Variants in MTR observed in about 807,000 individuals in gnomAD.
MTR encodes the protein 5-methyltetrahydrofolate-homocysteine methyltransferase.
Under a neutral mutation model 154.8 loss-of-function variants are expected in MTR, and 84 were observed. That is an observed-to-expected ratio of 0.54 (90% CI 0.45 to 0.65). The LOEUF is 0.65. Among genes scored for constraint, MTR ranks in the 30% least tolerant of loss-of-function variants. MTR has a pLI of 0.00. For synonymous variants in MTR, 554 were observed against 553.9 expected, an observed-to-expected ratio of 1.00 and a Z score of 0.00; for missense variants, 1,275 against 1,570.2, an observed-to-expected ratio of 0.81 and a Z score of 3.18.
At chr1:236,827,754 C>T (rs1662375180) in intron 11 of MTR, among the ~76,000 whole-genome samples, 1 of 152,084 alleles carries the variant, frequency 6.6e-6, no homozygotes, top group South Asian at 2.1e-4. Context: ...GTGTTTAATT[C>T]CTTAGAGTTT....
chr1:236,802,284 G>A (rs1423115688), intron 1 of MTR, among the ~76,000 whole-genome samples: 1 of 152,168 alleles, frequency 6.6e-6, no homozygotes, highest in African/African-American at 2.4e-5. Flanking sequence ...TTGAGGGGCA[G>A]GTGGGTAGTT....
chr1:236,844,356 T>C (rs61387481), intron 15 of MTR, among the ~76,000 whole-genome samples: 11,868 of 151,446 alleles, frequency 0.078, 910 homozygotes, highest in African/African-American at 0.2. Flanking sequence ...AGGAGAAGAA[T>C]AGAAGCAGCA....
At chr1:236,881,650 C>A (rs1665742354) in intron 25 of MTR, among the ~76,000 whole-genome samples, 1 of 152,180 alleles carries the variant, frequency 6.6e-6, no homozygotes, top group Non-Finnish European at 1.5e-5. Context: ...GCCTGGTGAT[C>A]TGCGAGACTT....
In MTR at chr1:236,851,170, T is replaced by TA. The variant is rs1257628390; in HGVS notation, c.1695+648dup. ...CGTCACTTCTGCAGTTGTTCAGACT[T>TA]ACCCATATGCAGAGTGGTGGAAAAT... On this transcript the variant is annotated intron_variant, in intron 16 of 32. Transcript: ENST00000366577. Among the ~76,000 whole-genome samples, 3 of 152,350 alleles carry TA rather than the reference T, an allele frequency of 2.0e-5. No individual in the cohort carries two copies. In the South Asian group the frequency reaches 6.2e-4, roughly 32 times the overall value.
At chr1:236,830,694 T>C (rs1233087969) in intron 12 of MTR, among the ~76,000 whole-genome samples, 1 of 152,192 alleles carries the variant, frequency 6.6e-6, no homozygotes, top group Admixed American at 6.5e-5. Context: ...GTTGGCTCCC[T>C]GCTTGCCTGT....
intron 6 of MTR, among the ~76,000 whole-genome samples, chr1:236,815,098 G>A (rs373116439): frequency 2.2e-4 from 34 of 152,244 alleles, no homozygotes; most frequent in Middle Eastern, 3.4e-3. Context: ...GCTGTTTTTC[G>A]CAATGATGGA....
At chr1:236,880,218 A>G (rs578127685) in intron 24 of MTR, among the ~76,000 whole-genome samples, 2 of 152,298 alleles carry the variant, frequency 1.3e-5, no homozygotes, top group East Asian at 3.9e-4. Context: ...GTATTATTTT[A>G]TGTTGAATTT....
rs557853306 is a variant in MTR, at chr1:236,852,990, G to C, written c.1855G>C (p.Val619Leu). ...MGIVNAGNLP[V>L]YDDIHKELLQ... ...GATAGTGAATGCTGGAAACCTCCCT[G>C]TGTATGATGATATCCATAAGGAACT... Residue 619 changes from valine (V) to leucine (L), a missense_variant, in exon 18 of 33, where the codon GTG (valine) becomes CTG (leucine). Physicochemically the swap from Val to Leu is conservative, Grantham distance 32 (BLOSUM62 1). Coordinates refer to ENST00000366577, the MANE Select transcript of MTR (RefSeq NM_000254.3). 3.0e-5 allele frequency: 49 copies of C among 1,614,028 alleles called. No individual in the cohort carries two copies. In the African/African-American group the frequency reaches 4.7e-4, roughly 15 times the overall value.
chr1:236,849,787 A>G (rs1408626729), intron 15 of MTR, among the ~76,000 whole-genome samples: 1 of 152,168 alleles, frequency 6.6e-6, no homozygotes, highest in Non-Finnish European at 1.5e-5. Context: ...CTTAAGACAC[A>G]TGTTAGGCCA....
At chr1:236,855,730 C>T (rs1664166854) in intron 18 of MTR, among the ~76,000 whole-genome samples, 1 of 152,176 alleles carries the variant, frequency 6.6e-6, no homozygotes, top group South Asian at 2.1e-4. Context: ...GCTTTGTACA[C>T]GTACAGATAC....
chr1:236,856,355 C>T (rs1478416457), intron 18 of MTR, among the ~76,000 whole-genome samples: 3 of 151,888 alleles, frequency 2.0e-5, no homozygotes, highest in African/African-American at 4.8e-5. Flanking sequence ...TTTACTATCT[C>T]GTTCAGGTTT....
At chr1:236,874,875 A>G (rs1558329636) in intron 24 of MTR, 29 bp downstream of exon 24, 5 of 1,611,718 alleles carry the variant, frequency 3.1e-6, no homozygotes, top group African/African-American at 2.7e-5. Flanking sequence ...CTTTGTCCTC[A>G]CTTCAAATTT....
intron 2 of MTR, among the ~76,000 whole-genome samples, chr1:236,805,567 T>C (rs1177638156): frequency 5.9e-5 from 8 of 136,034 alleles, no homozygotes; most frequent in Admixed American, 5.6e-4. Flanking sequence ...TCTAGCCCAC[T>C]GTGGCTCACT....
rs188242213 is a variant in MTR at position 236,872,233 on chromosome 1, T to C, written c.2406-1540T>C. Reference sequence around the variant, plus strand: ...TCCAGGAAGCTCTCTCCTCCATGAATTGAAATTTGTCTGGCACTGTTCCGT... The same window carrying C: ...TCCAGGAAGCTCTCTCCTCCATGAACTGAAATTTGTCTGGCACTGTTCCGT... On this transcript the variant is annotated intron_variant, in intron 22 of 32. Coordinates refer to ENST00000366577, the MANE Select transcript of MTR (RefSeq NM_000254.3). Among the ~76,000 whole-genome samples, 10 of 152,186 alleles carry C rather than the reference T, an allele frequency of 6.6e-5. No homozygotes were observed. In the East Asian group the frequency reaches 1.9e-3, roughly 30 times the overall value.
chr1:236,883,844 C>T (rs966932416), intron 25 of MTR, among the ~76,000 whole-genome samples: 14 of 152,114 alleles, frequency 9.2e-5, no homozygotes, highest in Non-Finnish European at 1.8e-4. Flanking sequence ...GCACTTTAGC[C>T]GTCATTCAGT....
At chr1:236,855,846 A>G (rs1053710384) in intron 18 of MTR, among the ~76,000 whole-genome samples, 8 of 152,180 alleles carry the variant, frequency 5.3e-5, no homozygotes, top group African/African-American at 1.9e-4. Context: ...AGTATGTGAA[A>G]ACTGTGTAGC....
rs750970961 is a variant in MTR at position 236,852,567 on chromosome 1, C to T, written c.1742C>T (p.Ser581Phe). 1 of 1,613,898 alleles carries T rather than the reference C, an allele frequency of 6.2e-7. No homozygotes were observed. Among genetic ancestry groups the T allele is most frequent in the African/African-American group, 1.3e-5 (1 of 74,894 alleles). The stretch of plus-strand genomic sequence containing the variant: ...ATAAGTGGAGGTCTTTCCAACTTGT[C>T]CTTCTCCTTCCGAGGAATGGAAGCC... ...ARISGGLSNL[S>F]FSFRGMEAIR... Residue 581 changes from serine (S) to phenylalanine (F), a missense_variant, in exon 17 of 33, where the codon TCC becomes TTC. By Grantham distance (155) the Ser-to-Phe change is radical. Transcript: ENST00000366577.
chr1:236,854,429 A>T (rs533438925), intron 18 of MTR, among the ~76,000 whole-genome samples: 1 of 152,208 alleles, frequency 6.6e-6, no homozygotes, highest in African/African-American at 2.4e-5. Context: ...TAGATTTTTA[A>T]TTTTTTTCCT....
intron 10 of MTR, among the ~76,000 whole-genome samples, chr1:236,826,180 A>G (rs868543205): frequency 6.6e-6 from 1 of 152,354 alleles, no homozygotes. Context: ...ATGTAAATTT[A>G]AAAATCAATA....
Sources: allele counts gnomAD v4.1 joint callset (sites outside exome capture counted in the v4.1 genomes callset), GRCh38; gene constraint gnomAD v4.1.1; transcripts MANE v1.5; gene names NCBI Gene and HGNC (gene_info 2026-07-23, HGNC 2026-07-21).